LETMD1: variants seen among roughly 807,000 people sequenced by gnomAD.
The protein encoded by LETMD1 is LETM1 domain containing 1.
LETMD1 carries 30 observed loss-of-function variants against 43.9 expected under a neutral mutation model. The observed-to-expected ratio is 0.68, with a 90% CI of 0.51 to 0.93. LETMD1 has a LOEUF of 0.93. Among genes scored for constraint, LETMD1 ranks in the 40% least tolerant of loss-of-function variants. LETMD1 has a pLI of 0.00. For synonymous variants in LETMD1, 176 were observed against 163.1 expected (o/e 1.08, Z -0.60); for missense variants, 413 against 447.7 (o/e 0.92, Z 0.70).
rs759163931 is a variant in LETMD1 at position 51,048,414 on chromosome 12, C to T, written c.58C>T (p.Pro20Ser). ...GGCTGTGTGGGGCTCGGCAGTCACC[C>T]CTGGACATTTTGTCACCCGGAGGCT... ...RSAVWGSAVT[P>S]GHFVTRRLQL... Residue 20 changes from proline to serine, a missense_variant, in exon 1 of 9, where the codon CCT (proline) becomes TCT (serine). Transcript: ENST00000262055. 1 of 1,613,442 alleles carries T rather than the reference C, an allele frequency of 6.2e-7. No homozygotes were observed. The highest frequency in any genetic ancestry group is 8.5e-7 in the Non-Finnish European group (1 of 1,179,780).
chr12:51,055,205 ACT>A (rs1947308017), intron 4 of LETMD1, among the ~76,000 whole-genome samples: 1 of 151,892 alleles, frequency 6.6e-6, no homozygotes, highest in African/African-American at 2.4e-5. Flanking sequence ...TCAGGCTGCA[ACT>A]CTCTCCAAAG....
the LETMD1 span, among the ~76,000 whole-genome samples, chr12:51,066,664 A>AAG: frequency 6.6e-6 from 1 of 151,708 alleles, no homozygotes; most frequent in Non-Finnish European, 1.5e-5. Context: ...GGCAGCCAAC[A>AAG]AGAGATGATA....
At chr12:51,059,128 T>C in intron 8 of LETMD1, 1 of 503,180 alleles carries the variant, frequency 2.0e-6, no homozygotes, top group South Asian at 2.1e-5. Flanking sequence ...CATCTCTGAA[T>C]TTTCTACTGC....
chr12:51,067,686 C>T, the LETMD1 span: 1 of 1,613,472 alleles, frequency 6.2e-7, no homozygotes, highest in Non-Finnish European at 8.5e-7. This position sits in a 1 kb window ranked among gnomAD's most constrained non-coding sequence, Gnocchi z 4.1. Flanking sequence ...GCATTTAATC[C>T]CAGCCTGGCT....
intron 7 of LETMD1, 58 bp from the exon 8 acceptor site, chr12:51,057,974 T>C (rs1474718768): frequency 8.1e-6 from 9 of 1,114,692 alleles, no homozygotes; most frequent in Non-Finnish European, 1.1e-5. Flanking sequence ...GGATTTCCAT[T>C]TCCTTGGCAT....
chr12:51,055,058 C>G (rs1295687374), intron 4 of LETMD1, among the ~76,000 whole-genome samples: 2 of 151,988 alleles, frequency 1.3e-5, no homozygotes, highest in African/African-American at 4.8e-5. Context: ...CGAGATCGCG[C>G]CACTGCAGTC....
At position 51,049,173 on chromosome 12, in the gene LETMD1, A is replaced by G; in HGVS notation, c.262A>G (p.Ile88Val). Residue 88 changes from isoleucine (I) to valine (V), a missense_variant, in exon 2 of 9, where the codon ATC (isoleucine) becomes GTC (valine). By Grantham distance (29) the Ile-to-Val change is conservative. Coordinates refer to ENST00000262055, the MANE Select transcript of LETMD1 (RefSeq NM_015416.5). ...HFPRFYVLYT[I>V]FMKGLQMLWA... The stretch of plus-strand genomic sequence containing the variant: ...CCCCCGCTTCTATGTCCTGTACACA[A>G]TCTTCATGAAAGGTAAAAACGAAAC... 3 of 1,610,396 alleles carry G rather than the reference A, an allele frequency of 1.9e-6. No homozygotes were observed. The highest frequency in any genetic ancestry group is 1.7e-5 in the Admixed American group (1 of 58,798).
chr12:51,049,729 C>T (rs527582706), intron 2 of LETMD1, among the ~76,000 whole-genome samples: 49 of 152,162 alleles, frequency 3.2e-4, no homozygotes, highest in Non-Finnish European at 6.5e-4. Context: ...AATCCCAGTT[C>T]GTCACTGTGC....
rs1289674641 is a variant in LETMD1, at chr12:51,053,775, T to C, written c.391-3T>C. 1 of 1,607,558 alleles carries C rather than the reference T, an allele frequency of 6.2e-7. No homozygotes were observed. The highest frequency in any genetic ancestry group is 8.5e-7 in the Non-Finnish European group (1 of 1,176,524). ...AACTGCATCTGTGTTTATTTCTGCT[T>C]AGTTCCGCCAAGACGTCACCAAGTG... On this transcript the variant is annotated splice_polypyrimidine_tract_variant and splice_region_variant and intron_variant, in intron 3 of 8. Transcript: ENST00000262055.
downstream of LETMD1, chr12:51,063,881 G>GA: frequency 6.2e-7 from 1 of 1,614,084 alleles, no homozygotes; most frequent in South Asian, 1.1e-5. Flanking sequence ...AGGAAGGGTG[G>GA]AAGTCTTCAT....
chr12:51,052,461 A>G, intron 3 of LETMD1: 1 of 446,296 alleles, frequency 2.2e-6, no homozygotes, highest in Non-Finnish European at 4.0e-6. Flanking sequence ...TAAATACTAA[A>G]ATCTAATTAG....
At chr12:51,056,113 T>C (rs1310760905) in intron 5 of LETMD1, 31 bp from the exon 6 acceptor site, 1 of 1,610,938 alleles carries the variant, frequency 6.2e-7, no homozygotes, top group Non-Finnish European at 8.5e-7. Flanking sequence ...AGGACTTTCC[T>C]AACATCTACA....
chr12:51,051,800 G>A (rs1946239999), intron 2 of LETMD1, among the ~76,000 whole-genome samples: 1 of 152,226 alleles, frequency 6.6e-6, no homozygotes, highest in South Asian at 2.1e-4. Flanking sequence ...TCTGAAGTTA[G>A]GGAGCTTGAT....
chr12:51,049,686 A>G (rs6580782), intron 2 of LETMD1, among the ~76,000 whole-genome samples: 68,026 of 152,158 alleles, frequency 0.45, 16,687 homozygotes, highest in Non-Finnish European at 0.57. Flanking sequence ...TATCGTGTCA[A>G]GTGTCTACTC....
At chr12:51,048,511 A>T in intron 1 of LETMD1, 33 bp downstream of exon 1, 1 of 1,608,586 alleles carries the variant, frequency 6.2e-7, no homozygotes. Context: ...AGCATTTTTG[A>T]CGTCCAGGCT....
In LETMD1 at chr12:51,058,032, G is replaced by T. The variant is rs762032011; in HGVS notation, c.916G>T (p.Ala306Ser). ...ACCATTTCTGTTCTGAGTGGTATAG[G>T]CTTGTTATCTCCGTGGCCTGAATTC... ...GQLTAQEVKSACYLRGLNSTH... is the reference protein window; with the variant it reads ...GQLTAQEVKSSCYLRGLNSTH... Residue 306 changes from alanine to serine, a missense_variant and splice_region_variant, in exon 8 of 9, where the codon GCT becomes TCT. Coordinates refer to ENST00000262055, the MANE Select transcript of LETMD1 (RefSeq NM_015416.5). 5 of 1,604,172 alleles carry T rather than the reference G, an allele frequency of 3.1e-6. No homozygotes were observed. In the South Asian group the frequency reaches 5.5e-5, roughly 18 times the overall value.
At chr12:51,064,217 T>TG, downstream of LETMD1, 1 of 1,613,786 alleles carries the variant, frequency 6.2e-7, no homozygotes, top group Non-Finnish European at 8.5e-7. Flanking sequence ...CAGAGGAGCC[T>TG]GGGGGCAGCT....
intron 7 of LETMD1, 67 bp downstream of exon 7, chr12:51,056,569 G>C (rs1334742685): frequency 6.8e-7 from 1 of 1,480,470 alleles, no homozygotes; most frequent in African/African-American, 1.4e-5. Flanking sequence ...GCAGGCCGGA[G>C]GTTTACAGGG....
In LETMD1 at chr12:51,049,144, A is replaced by G. The variant is rs147322387; in HGVS notation, c.233A>G (p.His78Arg). 1.2e-6 allele frequency: 2 copies of G among 1,614,014 alleles called. No individual in the cohort carries two copies. The highest frequency in any genetic ancestry group is 2.2e-5 in the East Asian group (1 of 44,874). Residue 78 changes from histidine to arginine, a missense_variant, in exon 2 of 9, where the codon CAT (histidine) becomes CGT (arginine). By Grantham distance (29) the His-to-Arg change is conservative. Coordinates refer to ENST00000262055, the MANE Select transcript of LETMD1 (RefSeq NM_015416.5). ...NGKYHRFLGRHFPRFYVLYTI... is the reference protein window; with the variant it reads ...NGKYHRFLGRRFPRFYVLYTI... ...AAATACCATCGTTTCTTGGGTCGTCATTTCCCCCGCTTCTATGTCCTGTAC... is the reference window on the plus strand; with the variant it reads ...AAATACCATCGTTTCTTGGGTCGTCGTTTCCCCCGCTTCTATGTCCTGTAC...
Sources: gnomAD v4.1 joint callset for allele counts (sites outside exome capture counted in the v4.1 genomes callset) on GRCh38, gnomAD v4.1.1 for gene constraint, Gnocchi (gnomAD v3.1) non-coding constraint, MANE v1.5 for transcripts, NCBI Gene and HGNC (gene_info 2026-07-23, HGNC 2026-07-21) for gene names.